AGMO: variants seen among roughly 807,000 people sequenced by gnomAD.
AGMO encodes glyceryl-ether monooxygenase.
Under a neutral mutation model 60.2 loss-of-function variants are expected in AGMO, and 75 were observed. The ratio of observed to expected loss-of-function variants is 1.25; its 90% CI spans 1.03 to 1.51. The LOEUF is 1.51. Among genes scored for constraint, AGMO ranks in the 40% most tolerant of loss-of-function variants. The pLI, the probability that AGMO is intolerant of heterozygous loss-of-function variation, is 0.00. For missense variants in AGMO, 763 were observed against 525.5 expected (o/e 1.45, Z -4.42); for synonymous variants, 261 against 177.1 (o/e 1.47, Z -3.76).
rs141709483 is a variant in AGMO, at chr7:15,320,681, A to T, written c.1263+44833T>A. Among the ~76,000 whole-genome samples, 865 of 152,224 alleles carry T rather than the reference A, an allele frequency of 5.7e-3. 2 individuals are homozygous for T. Among genetic ancestry groups the T allele is most frequent in the African/African-American group, 0.018 (749 of 41,538 alleles). On this transcript the variant is annotated intron_variant, in intron 12 of 12. Coordinates refer to ENST00000342526, the MANE Select transcript of AGMO (RefSeq NM_001004320.2). ...TTTATCCTGTCTTTCCTGGGATATA[A>T]GCTAACAACCATCATTAAATGAGAC...
chr7:15,459,749 A>C (rs190656160), intron 3 of AGMO, among the ~76,000 whole-genome samples: 1 of 152,076 alleles, frequency 6.6e-6, no homozygotes, highest in Non-Finnish European at 1.5e-5. Context: ...TATTTGACTC[A>C]GTTTAAACTA....
At chr7:15,547,352 C>A (rs1295136677) in intron 2 of AGMO, among the ~76,000 whole-genome samples, 2 of 152,232 alleles carry the variant, frequency 1.3e-5, no homozygotes, top group African/African-American at 2.4e-5. Flanking sequence ...GTCTACAGCT[C>A]CCAGCATGAG....
intron 12 of AGMO, among the ~76,000 whole-genome samples, chr7:15,357,599 C>G (rs567725836): frequency 6.6e-6 from 1 of 152,300 alleles, no homozygotes; most frequent in East Asian, 1.9e-4. Flanking sequence ...GTCTCTGAGC[C>G]TAGGCTTCAA....
intron 10 of AGMO, among the ~76,000 whole-genome samples, chr7:15,366,801 G>A (rs543458915): frequency 6.6e-6 from 1 of 152,040 alleles, no homozygotes; most frequent in East Asian, 1.9e-4. Context: ...TGTTAATATG[G>A]CAGAGTTTTG....
rs148834123 is a variant in AGMO, at chr7:15,285,241, GAGAA to G, written c.1263+80269_1263+80272del. On this transcript the variant is annotated intron_variant, in intron 12 of 12. Coordinates refer to ENST00000342526, the MANE Select transcript of AGMO (RefSeq NM_001004320.2). ...AGTCCTAGCTAGAACAATCAGACAG[GAGAA>G]AGAAATAAAGTGCATCAAAATTGAA... 5.0e-3 allele frequency among the ~76,000 whole-genome samples: 763 copies of G among 151,782 alleles called. 24 individuals carry two copies. The East Asian group carries it at 0.071, about 14-fold the overall frequency.
chr7:15,357,942 T>C (rs1782604423), intron 12 of AGMO, among the ~76,000 whole-genome samples: 1 of 151,936 alleles, frequency 6.6e-6, no homozygotes, highest in Non-Finnish European at 1.5e-5. Context: ...AATAAACACA[T>C]ATATACATAC....
intron 2 of AGMO, among the ~76,000 whole-genome samples, chr7:15,558,755 T>C (rs1418003958): frequency 6.6e-6 from 1 of 152,152 alleles, no homozygotes; most frequent in African/African-American, 2.4e-5. Context: ...AATTTTACTT[T>C]TAAGTTTACT....
chr7:15,447,717 A>AT (rs1462310394), intron 3 of AGMO, among the ~76,000 whole-genome samples: 60 of 149,444 alleles, frequency 4.0e-4, no homozygotes, highest in African/African-American at 5.9e-4. Context: ...CACCTGGCTA[A>AT]ATTTTTTTTT....
chr7:15,492,243 C>CTA (rs1783085231), intron 3 of AGMO, among the ~76,000 whole-genome samples: 1 of 151,818 alleles, frequency 6.6e-6, no homozygotes, highest in African/African-American at 2.4e-5. Flanking sequence ...GCCACCTACC[C>CTA]TATATCCAGA....
At chr7:15,246,300 A>G (rs1782739679) in intron 12 of AGMO, among the ~76,000 whole-genome samples, 1 of 152,026 alleles carries the variant, frequency 6.6e-6, no homozygotes, top group Non-Finnish European at 1.5e-5. Context: ...TGTTTAACTA[A>G]TGAATACATT....
intron 10 of AGMO, among the ~76,000 whole-genome samples, chr7:15,377,321 T>A (rs1008650206): frequency 6.6e-6 from 1 of 152,110 alleles, no homozygotes; most frequent in African/African-American, 2.4e-5. Flanking sequence ...TACTTTCAGT[T>A]TGTAAAGGGT....
intron 12 of AGMO, among the ~76,000 whole-genome samples, chr7:15,223,669 C>G (rs1158961421): frequency 2.0e-5 from 3 of 151,938 alleles, no homozygotes; most frequent in African/African-American, 4.8e-5. Context: ...TAAGACTCTG[C>G]TACATGAAGA....
intron 10 of AGMO, among the ~76,000 whole-genome samples, chr7:15,370,488 A>C (rs1324134077): frequency 6.6e-6 from 1 of 152,172 alleles, no homozygotes; most frequent in East Asian, 1.9e-4. Flanking sequence ...ACAGTGGCTG[A>C]ACTAATTTAC....
intron 12 of AGMO, among the ~76,000 whole-genome samples, chr7:15,297,672 C>A (rs1341890499): frequency 6.6e-6 from 1 of 152,140 alleles, no homozygotes; most frequent in Non-Finnish European, 1.5e-5. Context: ...AGCATACCCC[C>A]CTTCCTGGGA....
intron 4 of AGMO, among the ~76,000 whole-genome samples, chr7:15,422,710 G>A (rs1221133478): frequency 2.0e-5 from 3 of 152,130 alleles, no homozygotes; most frequent in East Asian, 3.8e-4. Flanking sequence ...GGCTTGGTAC[G>A]CAGTATTTAG....
At chr7:15,531,609 C>CTA (rs1415334392) in intron 3 of AGMO, among the ~76,000 whole-genome samples, 8 of 113,930 alleles carry the variant, frequency 7.0e-5, no homozygotes, top group Non-Finnish European at 1.2e-4. Flanking sequence ...TATATATATT[C>CTA]TATGTATATT....
At position 15,497,092 on chromosome 7, in the gene AGMO, C is replaced by T. The variant is rs564019892; in HGVS notation, c.409+47680G>A. Among the ~76,000 whole-genome samples the T allele has an allele frequency of 6.6e-5, 10 of 152,266 alleles. No homozygotes were observed. In the South Asian group the frequency reaches 2.1e-3, roughly 32 times the overall value. ...AAGATATGAGCTGGAAGTCAGAGGA[C>T]TGGAGCCCTCACCGTAGTTCTCCCA... On this transcript the variant is annotated intron_variant, in intron 3 of 12. Coordinates refer to ENST00000342526, the MANE Select transcript of AGMO (RefSeq NM_001004320.2).
At chr7:15,348,786 T>C (rs539189839) in intron 12 of AGMO, among the ~76,000 whole-genome samples, 122 of 152,208 alleles carry the variant, frequency 8.0e-4, no homozygotes, top group African/African-American at 2.9e-3. Context: ...ACTATTTTGG[T>C]TGGTTTAACA....
At chr7:15,172,989 T>C in the AGMO span, among the ~76,000 whole-genome samples, 1 of 152,304 alleles carries the variant, frequency 6.6e-6, no homozygotes. Context: ...AATAACTAGG[T>C]CTCATTACAT....
Sources: allele counts gnomAD v4.1 joint callset (sites outside exome capture counted in the v4.1 genomes callset), GRCh38; gene constraint gnomAD v4.1.1; transcripts MANE v1.5; gene names NCBI Gene and HGNC (gene_info 2026-07-23, HGNC 2026-07-21).